TDRD5: variants seen among roughly 807,000 people sequenced by gnomAD.
TDRD5 encodes tudor domain-containing protein 5.
In TDRD5, 41 loss-of-function variants were observed where a neutral mutation model predicts 120.6. The ratio of observed to expected loss-of-function variants is 0.34; its 90% CI spans 0.26 to 0.44. The LOEUF (loss-of-function observed/expected upper bound fraction) is 0.44, where lower values mean the gene tolerates loss of function less well. Among genes scored for constraint, TDRD5 ranks in the 20% least tolerant of loss-of-function variants. The probability of loss-of-function intolerance (pLI) is 1.00; values close to 1 mark genes in which losing one functional copy is unlikely to be tolerated. For synonymous variants in TDRD5, 430 were observed against 433.7 expected (o/e 0.99, Z 0.11); for missense variants, 1,006 against 1,221.2 (o/e 0.82, Z 2.63).
At chr1:179,631,370 T>C (rs373475731) in intron 7 of TDRD5, among the ~76,000 whole-genome samples, 4 of 152,144 alleles carry the variant, frequency 2.6e-5, no homozygotes, top group Non-Finnish European at 5.9e-5. Flanking sequence ...CCAGCCTGGG[T>C]GACAGAGCGA....
chr1:179,683,660 T>G (rs1394050558), intron 17 of TDRD5, among the ~76,000 whole-genome samples: 1 of 152,210 alleles, frequency 6.6e-6, no homozygotes, highest in East Asian at 1.9e-4. Flanking sequence ...GAAATCTATG[T>G]TTTTAAGATC....
intron 4 of TDRD5, among the ~76,000 whole-genome samples, chr1:179,598,748 T>G (rs1675541762): frequency 6.6e-6 from 1 of 152,078 alleles, no homozygotes; most frequent in Admixed American, 6.5e-5. Flanking sequence ...CTCAGTTCTG[T>G]AATTCAAATC....
At chr1:179,690,602 G>T in intron 17 of TDRD5, 94 bp from the exon 18 acceptor site, 1 of 1,497,604 alleles carries the variant, frequency 6.7e-7, no homozygotes, top group Non-Finnish European at 8.9e-7. Flanking sequence ...GAAAATGATT[G>T]TAACACATAT....
chr1:179,690,941 TGAGGGAGGGAGGGAG>T lies in TDRD5; in HGVS notation c.*6_*20del. On this transcript the variant is annotated stop_retained_variant and 3_prime_UTR_variant, in exon 18 of 18. Coordinates refer to ENST00000444136, the MANE Select transcript of TDRD5 (RefSeq NM_001199085.3). ...CCCCAGTGTGAAAAGGATGGAAGCA[TGAGGGAGGGAGGGAG>T]GAGGGAGAAAAACAGAATCCAGCCG... is the stretch of plus-strand genomic sequence containing the variant. The T allele has an allele frequency of 6.2e-7, 1 of 1,608,628 alleles. No individual in the cohort carries two copies. Among genetic ancestry groups the T allele is most frequent in the East Asian group, 2.2e-5 (1 of 44,764 alleles).
chr1:179,610,314 T>C (rs746124558), intron 4 of TDRD5, among the ~76,000 whole-genome samples: 2 of 152,198 alleles, frequency 1.3e-5, no homozygotes, highest in Non-Finnish European at 2.9e-5. Flanking sequence ...ACATTTCCTG[T>C]GCCAAAGAAG....
chr1:179,649,964 T>A (rs1401885936), intron 11 of TDRD5, among the ~76,000 whole-genome samples: 2 of 152,200 alleles, frequency 1.3e-5, no homozygotes, highest in African/African-American at 2.4e-5. Flanking sequence ...ATGTGAAAAC[T>A]GAGCTGCAAA....
chr1:179,632,100 G>A (rs1572372569), intron 7 of TDRD5, among the ~76,000 whole-genome samples: 1 of 151,694 alleles, frequency 6.6e-6, no homozygotes, highest in African/African-American at 2.4e-5. Context: ...TAGAGATGGG[G>A]TTTCACCATG....
chr1:179,596,295 G>C (rs1367819965), intron 4 of TDRD5, among the ~76,000 whole-genome samples: 1 of 152,122 alleles, frequency 6.6e-6, no homozygotes, highest in East Asian at 1.9e-4. Flanking sequence ...TGGAAATTAA[G>C]TTCAAAACAT....
At chr1:179,657,166 T>G (rs1245794558) in intron 14 of TDRD5, among the ~76,000 whole-genome samples, 1 of 152,222 alleles carries the variant, frequency 6.6e-6, no homozygotes, top group East Asian at 1.9e-4. Flanking sequence ...TAGAATCAGC[T>G]TATCTATACC....
At chr1:179,594,834 C>A (rs1321365512) in intron 3 of TDRD5, among the ~76,000 whole-genome samples, 1 of 152,190 alleles carries the variant, frequency 6.6e-6, no homozygotes, top group Non-Finnish European at 1.5e-5. Flanking sequence ...TCAAGTCTAG[C>A]CCTCAACTTT....
At chr1:179,662,656 G>T (rs1679374943) in intron 15 of TDRD5, among the ~76,000 whole-genome samples, 1 of 151,822 alleles carries the variant, frequency 6.6e-6, no homozygotes, top group Non-Finnish European at 1.5e-5. Flanking sequence ...AAATTTAATT[G>T]TCTAGGTCCA....
intron 7 of TDRD5, 36 bp from the exon 8 acceptor site, chr1:179,634,421 A>G (rs372228662): frequency 1.3e-6 from 2 of 1,572,722 alleles, no homozygotes; most frequent in Non-Finnish European, 1.7e-6. Context: ...GCCATTTGAG[A>G]TGGAGTTGTT....
In TDRD5 at chr1:179,591,937, G is replaced by T. The variant is rs775130342; in HGVS notation, c.-203G>T. ...GCAGCGCTGGCGTCAGGGCGCGGTG[G>T]GGGCAAGACGGGTGACTGGCAGCAG... On this transcript the variant is annotated 5_prime_UTR_variant, in exon 1 of 18. Coordinates refer to ENST00000444136, the MANE Select transcript of TDRD5 (RefSeq NM_001199085.3). 1 of 152,464 alleles carries T rather than the reference G, an allele frequency of 6.6e-6. No homozygotes were observed. The highest frequency in any genetic ancestry group is 2.4e-5 in the African/African-American group (1 of 41,472). 9.4% of individuals were successfully genotyped at this position (152,464 alleles called of 1,614,324 possible). A position where few individuals can be genotyped will look rare whatever the true frequency, so the allele number is the denominator to read the frequency against.
intron 4 of TDRD5, among the ~76,000 whole-genome samples, chr1:179,597,273 A>G (rs1001658545): frequency 6.6e-6 from 1 of 151,844 alleles, no homozygotes; most frequent in Non-Finnish European, 1.5e-5. Flanking sequence ...CTGTTGTGGA[A>G]AAGTCTTTAA....
chr1:179,660,671 A>G (rs770126933), intron 14 of TDRD5, among the ~76,000 whole-genome samples: 7 of 152,094 alleles, frequency 4.6e-5, no homozygotes, highest in Admixed American at 2.0e-4. Flanking sequence ...TGTCTTATAT[A>G]TTACACCTGC....
chr1:179,688,367 T>C (rs1189566837), intron 17 of TDRD5, among the ~76,000 whole-genome samples: 1 of 149,298 alleles, frequency 6.7e-6, no homozygotes, highest in African/African-American at 2.4e-5. Flanking sequence ...ATGTTGAATA[T>C]TATCCCCCAC....
chr1:179,687,015 T>G (rs1241605214), intron 17 of TDRD5, among the ~76,000 whole-genome samples: 1 of 152,236 alleles, frequency 6.6e-6, no homozygotes, highest in African/African-American at 2.4e-5. Context: ...ATTGATTTTT[T>G]GAAGGGTTTT....
chr1:179,642,461 AATAGCTT>A (rs1678103534), intron 11 of TDRD5, among the ~76,000 whole-genome samples: 1 of 152,222 alleles, frequency 6.6e-6, no homozygotes, highest in Non-Finnish European at 1.5e-5. Context: ...TAATAACTGG[AATAGCTT>A]ATTCACAGTA....
At chr1:179,682,887 T>G (rs918805939) in intron 17 of TDRD5, among the ~76,000 whole-genome samples, 2 of 152,170 alleles carry the variant, frequency 1.3e-5, no homozygotes, top group African/African-American at 4.8e-5. Context: ...CAACGTAAGA[T>G]CTAATGATTA....
Sources: allele counts gnomAD v4.1 joint callset (sites outside exome capture counted in the v4.1 genomes callset), GRCh38; gene constraint gnomAD v4.1.1; transcripts MANE v1.5; gene names NCBI Gene and HGNC (gene_info 2026-07-23, HGNC 2026-07-21).